Variants in WDR36 observed in about 807,000 individuals in gnomAD.
WDR36 encodes the protein WD repeat domain 36, also known as WD repeat-containing protein 36.
In WDR36, 63 loss-of-function variants were observed where a neutral mutation model predicts 112.7. The ratio of observed to expected loss-of-function variants is 0.56; its 90% CI spans 0.46 to 0.69. The LOEUF (loss-of-function observed/expected upper bound fraction) is 0.69. WDR36 is among the 30% of genes least tolerant of loss of function. The pLI, the probability that WDR36 is intolerant of heterozygous loss-of-function variation, is 0.00. For missense variants in WDR36, 1,226 were observed against 1,070.3 expected (o/e 1.15, Z -2.03); for synonymous variants, 410 against 362.2 (o/e 1.13, Z -1.50).
At chr5:111,099,049 G>A (rs532218556) in intron 4 of WDR36, among the ~76,000 whole-genome samples, 6 of 152,168 alleles carry the variant, frequency 3.9e-5, no homozygotes, top group Non-Finnish European at 5.9e-5. Context: ...ACTGTTTAAT[G>A]TGCTTACCTC....
intron 21 of WDR36, among the ~76,000 whole-genome samples, chr5:111,125,136 G>A (rs1039398023): frequency 2.0e-5 from 3 of 152,130 alleles, no homozygotes; most frequent in Admixed American, 1.3e-4. Context: ...TATATATTCT[G>A]TACTGTTAGT....
chr5:111,097,649 T>C (rs1371603665), intron 3 of WDR36, among the ~76,000 whole-genome samples: 3 of 152,236 alleles, frequency 2.0e-5, no homozygotes, highest in Non-Finnish European at 4.4e-5. Flanking sequence ...AGCTAGATTC[T>C]ATGTTTTCTC....
At position 111,120,467 on chromosome 5, in the gene WDR36, A is replaced by G. The variant is rs369808692; in HGVS notation, c.1905-29A>G. The stretch of plus-strand genomic sequence containing the variant: ...CTGAAAGAAACTTTTTATAATTTTT[A>G]AAATATTGCTTATGTTTTGATTTTT... On this transcript the variant is annotated intron_variant, in intron 17 of 22. Transcript: ENST00000513710. 1.9e-6 allele frequency: 3 copies of G among 1,546,932 alleles called. No homozygotes were observed. The African/African-American group carries it at 4.1e-5, about 21-fold the overall frequency.
chr5:111,118,863 G>A (rs973875025), intron 16 of WDR36, 150 bp from the exon 17 acceptor site: 4 of 634,442 alleles, frequency 6.3e-6, no homozygotes, highest in African/African-American at 5.5e-5. Context: ...CTGTTTATTA[G>A]TGGTGACTTT....
At chr5:111,111,457 A>C in intron 15 of WDR36, 179 bp downstream of exon 15, 1 of 575,168 alleles carries the variant, frequency 1.7e-6, no homozygotes, top group Non-Finnish European at 3.1e-6. Context: ...CAGGGAGTTG[A>C]TGCGATCAAA....
intron 16 of WDR36, among the ~76,000 whole-genome samples, chr5:111,114,659 A>G (rs528915176): frequency 3.3e-5 from 5 of 152,288 alleles, no homozygotes; most frequent in African/African-American, 1.2e-4. Context: ...CAGGCTTCAG[A>G]AAGTTCACTT....
intron 16 of WDR36, among the ~76,000 whole-genome samples, chr5:111,116,614 T>G (rs71575360): frequency 1.3e-4 from 13 of 101,546 alleles, no homozygotes; most frequent in Admixed American, 2.0e-4. Context: ...ACCTTGGGAC[T>G]TACTTTTTTA....
In WDR36 at chr5:111,129,453, A is replaced by G. The variant is rs1406019677; in HGVS notation, c.*2570A>G. The stretch of plus-strand genomic sequence containing the variant: ...ACTCTGAAAAAATTATTTTGGTTTT[A>G]AATCAGAAATTTCTCACTAGTGAAG... On this transcript the variant is annotated 3_prime_UTR_variant, in exon 23 of 23. Transcript: ENST00000513710. 1 of 193,122 alleles carries G rather than the reference A, an allele frequency of 5.2e-6. No individual in the cohort carries two copies. The highest frequency in any genetic ancestry group is 1.1e-5 in the Non-Finnish European group (1 of 92,416). 12.0% of individuals were successfully genotyped at this position (193,122 alleles called of 1,614,324 possible).
At chr5:111,109,427 C>T (rs192345196) in intron 12 of WDR36, among the ~76,000 whole-genome samples, 6 of 151,198 alleles carry the variant, frequency 4.0e-5, no homozygotes, top group Admixed American at 2.0e-4. Flanking sequence ...GTATGTCAAA[C>T]TTTATGTTGC....
Position 111,126,984 on chromosome 5 carries a change from G to A in WDR36, c.*101G>A. The A allele has an allele frequency of 8.5e-7, 1 of 1,170,078 alleles. No homozygotes were observed. The highest frequency in any genetic ancestry group is 1.2e-6 in the Non-Finnish European group (1 of 838,840). The allele number at this position is 1,170,078 out of a possible 1,614,324, so 72.5% of individuals were successfully genotyped here. On this transcript the variant is annotated 3_prime_UTR_variant, in exon 23 of 23. Transcript: ENST00000513710. ...CAATGTGAAAAGAAAATAAATGCTA[G>A]CACTACTGACTAGTCAGTATATCTC...
At position 111,110,845 on chromosome 5, in the gene WDR36, C is replaced by A. The variant is rs781157012; in HGVS notation, c.1499C>A (p.Thr500Lys). 2 of 1,611,500 alleles carry A rather than the reference C, an allele frequency of 1.2e-6. No individual in the cohort carries two copies. Among genetic ancestry groups the A allele is most frequent in the Non-Finnish European group, 1.7e-6 (2 of 1,178,410 alleles). Residue 500 changes from threonine to lysine, a missense_variant, in exon 14 of 23, where the codon ACA becomes AAA. Transcript: ENST00000513710. Reference protein sequence around the residue: ...AVDGLNQLTVTTGSEGLLKFW... With the variant: ...AVDGLNQLTVKTGSEGLLKFW... ...GATGGATTAAACCAGTTGACAGTTA[C>A]AACTGGTAGTGAAGGATTACTCAAA...
At chr5:111,108,489 A>C (rs750818619) in intron 12 of WDR36, among the ~76,000 whole-genome samples, 15 of 151,416 alleles carry the variant, frequency 9.9e-5, no homozygotes, top group Non-Finnish European at 2.1e-4. Flanking sequence ...TGTAGTATGA[A>C]AATCCAGTCT....
rs966440422 is a variant in WDR36 at position 111,121,152 on chromosome 5, A to T, written c.2148+11A>T. The T allele has an allele frequency of 2.5e-6, 4 of 1,613,126 alleles. No individual in the cohort carries two copies. The African/African-American group carries it at 4.0e-5, about 16-fold the overall frequency. On this transcript the variant is annotated intron_variant, in intron 19 of 22. Coordinates refer to ENST00000513710, the MANE Select transcript of WDR36 (RefSeq NM_139281.3). ...CTTGATGTTATTAAGGTAATAATTA[A>T]CATTCTTTATAGACCCTAAGCATGC... is the stretch of plus-strand genomic sequence containing the variant.
At chr5:111,104,577 C>G (rs1670284622) in intron 8 of WDR36, 120 bp from the exon 9 acceptor site, 1 of 1,497,370 alleles carries the variant, frequency 6.7e-7, no homozygotes, top group Non-Finnish European at 9.3e-7. Flanking sequence ...CCTTGTAGCT[C>G]CAGAGTCAGT....
In WDR36 at chr5:111,102,449, C is replaced by G. The variant is rs774890985; in HGVS notation, c.597+50C>G. 2.1e-5 allele frequency: 33 copies of G among 1,539,044 alleles called. No homozygotes were observed. The East Asian group carries it at 7.0e-4, about 33-fold the overall frequency. On this transcript the variant is annotated intron_variant, in intron 6 of 22. Coordinates refer to ENST00000513710, the MANE Select transcript of WDR36 (RefSeq NM_139281.3). ...AGAGGAACAAAGTTAATAGGAAAATCCTTCAGTTTCAGGAATCAATCATAA... is the reference window on the plus strand; with the variant it reads ...AGAGGAACAAAGTTAATAGGAAAATGCTTCAGTTTCAGGAATCAATCATAA...
chr5:111,116,556 C>T (rs1427404183), intron 16 of WDR36, among the ~76,000 whole-genome samples: 1 of 152,046 alleles, frequency 6.6e-6, no homozygotes, highest in Non-Finnish European at 1.5e-5. Context: ...AATCTGATCT[C>T]TTAGAATAGG....
At chr5:111,093,220 A>G (rs1334449604) in intron 1 of WDR36, among the ~76,000 whole-genome samples, 1 of 152,204 alleles carries the variant, frequency 6.6e-6, no homozygotes, top group African/African-American at 2.4e-5. Context: ...CAGATAAATC[A>G]CTTGTTAGTG....
chr5:111,104,717 T>A lies in WDR36; in HGVS notation c.927T>A (p.Pro309=). 1 of 1,611,222 alleles carries A rather than the reference T, an allele frequency of 6.2e-7. No individual in the cohort carries two copies. The highest frequency in any genetic ancestry group is 8.5e-7 in the Non-Finnish European group (1 of 1,177,854). The change falls in exon 9 of 23, where the codon CCT becomes CCA. Residue 309 remains proline, a synonymous_variant. Coordinates refer to ENST00000513710, the MANE Select transcript of WDR36 (RefSeq NM_139281.3). ...NALRIWIFDG[P]TGEGRLLRFR... is the part of the protein sequence containing the mutation. ...GGCAGATATGGATATTTGATGGTCCTACAGGTGAAGGCCGACTTTTGAGAT... is the reference window on the plus strand; with the variant it reads ...GGCAGATATGGATATTTGATGGTCCAACAGGTGAAGGCCGACTTTTGAGAT...
chr5:111,104,502 G>C, intron 8 of WDR36, 150 bp downstream of exon 8: 1 of 1,379,816 alleles, frequency 7.2e-7, no homozygotes, highest in Non-Finnish European at 1.0e-6. Flanking sequence ...AGCACAGCAG[G>C]TGACATGATT....
Sources: allele counts gnomAD v4.1 joint callset (sites outside exome capture counted in the v4.1 genomes callset), GRCh38; gene constraint gnomAD v4.1.1; transcripts MANE v1.5; gene names NCBI Gene and HGNC (gene_info 2026-07-23, HGNC 2026-07-21).